Variants in ZNF556 observed in about 807,000 individuals in gnomAD.
ZNF556 encodes the protein zinc finger protein 556.
In ZNF556, 11 loss-of-function variants were observed where a neutral mutation model predicts 13.6. The observed-to-expected ratio is 0.81, with a 90% confidence interval of 0.51 to 1.33. The LOEUF is 1.33. Ranked by LOEUF, ZNF556 falls within the 40% of genes most tolerant of loss-of-function variation. The pLI, the probability that ZNF556 is intolerant of heterozygous loss-of-function variation, is 0.00. For synonymous variants in ZNF556, 229 were observed against 207.8 expected (o/e 1.10, Z -0.88); for missense variants, 633 against 566.2 (o/e 1.12, Z -1.20).
intron 1 of ZNF556, 103 bp from the exon 2 acceptor site, chr19:2,873,393 G>T: frequency 3.6e-6 from 5 of 1,375,426 alleles, no homozygotes; most frequent in Non-Finnish European, 5.1e-6. Context: ...ATAGATATTG[G>T]CAGACTGCAG....
chr19:2,867,457 G>A (rs1334171701), intron 1 of ZNF556, 33 bp downstream of exon 1: 1 of 1,576,636 alleles, frequency 6.3e-7, no homozygotes, highest in Non-Finnish European at 8.6e-7. Context: ...GCCGGAGCCG[G>A]AGCCCTGGGA....
intron 2 of ZNF556, chr19:2,874,898 T>G (rs1298881853): frequency 6.6e-6 from 1 of 151,384 alleles, no homozygotes; most frequent in East Asian, 1.9e-4. Context: ...TTGTCTACCA[T>G]TTTGACTGCT....
At position 2,877,499 on chromosome 19, in the gene ZNF556, G is replaced by A; in HGVS notation, c.541G>A (p.Gly181Arg). 6.2e-7 allele frequency: 1 copy of A among 1,614,206 alleles called. No homozygotes were observed. Among genetic ancestry groups the A allele is most frequent in the Non-Finnish European group, 8.5e-7 (1 of 1,180,048 alleles). Residue 181 changes from glycine to arginine, a missense_variant, in exon 4 of 4, where the codon GGG becomes AGG. Coordinates refer to ENST00000307635, the MANE Select transcript of ZNF556 (RefSeq NM_024967.3). ...AAAATTATATAAATGTAAGGAATGT[G>A]GGAAAGCCTTCAGTCGCCCTTCCTA... Reference protein sequence around the residue: ...GQKLYKCKECGKAFSRPSYLQ... With the variant: ...GQKLYKCKECRKAFSRPSYLQ...
intron 1 of ZNF556, among the ~76,000 whole-genome samples, chr19:2,871,792 A>G (rs529123467): frequency 2.4e-4 from 36 of 152,354 alleles, no homozygotes; most frequent in African/African-American, 8.7e-4. Flanking sequence ...GGGGACCACA[A>G]CCACCAAGTC....
Position 2,867,444 on chromosome 19 carries a change from C to A in ZNF556, c.3+20C>A, listed in dbSNP as rs1365443375. On this transcript the variant is annotated intron_variant, in intron 1 of 3. Transcript: ENST00000307635. The stretch of plus-strand genomic sequence containing the variant: ...GACATGGTGAGTGCAGGGCAGGAGC[C>A]GAGCCGGAGCCGGAGCCCTGGGAGG... 2 of 1,582,152 alleles carry A rather than the reference C, an allele frequency of 1.3e-6. No individual in the cohort carries two copies. The highest frequency in any genetic ancestry group is 1.7e-6 in the Non-Finnish European group (2 of 1,165,442).
At position 2,881,203 on chromosome 19, in the gene ZNF556, C is replaced by T. The variant is rs548968331; in HGVS notation, c.*2874C>T. ...GTTTATTCATAATGACAAAAACTTA[C>T]GTAACGGTTTTATAAATTTAAGTAT... is the stretch of plus-strand genomic sequence containing the variant. On this transcript the variant is annotated 3_prime_UTR_variant, in exon 4 of 4. Coordinates refer to ENST00000307635, the MANE Select transcript of ZNF556 (RefSeq NM_024967.3). 10 of 152,018 alleles carry T rather than the reference C, an allele frequency of 6.6e-5. No individual in the cohort carries two copies. Among genetic ancestry groups the T allele is most frequent in the South Asian group, 2.1e-4 (1 of 4,822 alleles). The allele number at this position is 152,018 out of a possible 1,614,324, so 9.4% of individuals were successfully genotyped here.
rs1371750371 is a variant in ZNF556, at chr19:2,878,185, G to A, written c.1227G>A (p.Gly409=). The A allele has an allele frequency of 6.2e-6, 10 of 1,614,182 alleles. No homozygotes were observed. Among genetic ancestry groups the A allele is most frequent in the East Asian group, 2.2e-5 (1 of 44,888 alleles). Residue 409 remains glycine (G), a synonymous_variant, in exon 4 of 4, where the codon GGG becomes GGA. Transcript: ENST00000307635. ...NAASVGKPSG[G]LCSSKNVRTQ... ...CCAGTGTGGGAAAACCTTCAGGCGG[G>A]CTTTGCTCTTCCAAAAATGTAAGAA...
Position 2,869,950 on chromosome 19 carries a change from C to G in ZNF556, c.3+2526C>G, listed in dbSNP as rs569123653. On this transcript the variant is annotated intron_variant, in intron 1 of 3. Transcript: ENST00000307635. ...CCCCTTGGCTGTCACTCCCCATTCCCCTCTGTCCAGTCACACAGGCTCTGG... is the reference window on the plus strand; with the variant it reads ...CCCCTTGGCTGTCACTCCCCATTCCGCTCTGTCCAGTCACACAGGCTCTGG... 6.6e-5 allele frequency among the ~76,000 whole-genome samples: 10 copies of G among 152,274 alleles called. No homozygotes were observed. In the South Asian group the frequency reaches 1.7e-3, roughly 25 times the overall value.
rs57053138 is a variant in ZNF556, at chr19:2,882,531, A to ATATATATATATATAGTGTGTGTGTGTGT, written c.*4202_*4203insTATATATATATATAGTGTGTGTGTGTGT. ...ATACATTTTATATATATATATATAT[A>ATATATATATATATAGTGTGTGTGTGTGT]GTGTGTGTGTGTGTGTGTGTGTGTG... On this transcript the variant is annotated 3_prime_UTR_variant, in exon 4 of 4. Coordinates refer to ENST00000307635, the MANE Select transcript of ZNF556 (RefSeq NM_024967.3). The ATATATATATATATAGTGTGTGTGTGTGT allele has an allele frequency of 7.8e-6, 1 of 127,716 alleles. No homozygotes were observed. Among genetic ancestry groups the ATATATATATATATAGTGTGTGTGTGTGT allele is most frequent in the Non-Finnish European group, 1.6e-5 (1 of 62,728 alleles). 7.9% of individuals were successfully genotyped at this position (127,716 alleles called of 1,614,324 possible).
At chr19:2,876,621 A>G (rs529487455) in intron 3 of ZNF556, among the ~76,000 whole-genome samples, 2 of 152,124 alleles carry the variant, frequency 1.3e-5, no homozygotes, top group East Asian at 3.9e-4. Flanking sequence ...AGGCTGAGAC[A>G]GGAGAATTGC....
chr19:2,868,781 C>T (rs775084872), intron 1 of ZNF556, among the ~76,000 whole-genome samples: 54 of 150,888 alleles, frequency 3.6e-4, no homozygotes, highest in Admixed American at 8.6e-4. Context: ...TGCAATGGCG[C>T]GATCTCTGCT....
chr19:2,876,807 T>C (rs2087856406), intron 3 of ZNF556, among the ~76,000 whole-genome samples: 2 of 152,230 alleles, frequency 1.3e-5, no homozygotes, highest in Non-Finnish European at 2.9e-5. Context: ...GTGGTTGAAC[T>C]ATCTACCAGA....
chr19:2,882,671 C>A lies in ZNF556; in HGVS notation c.*4342C>A, dbSNP rs571028028. 1 of 152,042 alleles carries A rather than the reference C, an allele frequency of 6.6e-6. No homozygotes were observed. Among genetic ancestry groups the A allele is most frequent in the Non-Finnish European group, 1.5e-5 (1 of 68,224 alleles). The allele number at this position is 152,042 out of a possible 1,614,324, so 9.4% of individuals were successfully genotyped here. ...CCAGGTTCAAGCGATTCTCCTGCCT[C>A]ACCCTCCCAAGTGGCTGGGAATACA... On this transcript the variant is annotated 3_prime_UTR_variant, in exon 4 of 4. Coordinates refer to ENST00000307635, the MANE Select transcript of ZNF556 (RefSeq NM_024967.3).
In ZNF556 at chr19:2,877,567, T is replaced by C. The variant is rs187947956; in HGVS notation, c.609T>C (p.Tyr203=). The C allele has an allele frequency of 2.4e-5, 39 of 1,614,184 alleles. No homozygotes were observed. In the Admixed American group the frequency reaches 4.7e-4, roughly 19 times the overall value. ...HEKTHSGEKP[Y]ACQSCGKTFL... ...AAACTCACAGTGGAGAGAAACCCTATGCCTGTCAATCTTGCGGGAAGACAT... is the reference window on the plus strand; with the variant it reads ...AAACTCACAGTGGAGAGAAACCCTACGCCTGTCAATCTTGCGGGAAGACAT... Residue 203 remains tyrosine, a synonymous_variant, in exon 4 of 4, where the codon TAT becomes TAC. Coordinates refer to ENST00000307635, the MANE Select transcript of ZNF556 (RefSeq NM_024967.3).
rs1472571741 is a variant in ZNF556 at position 2,882,529 on chromosome 19, A to AGTGTGTGTGTGTGTGTG, written c.*4200_*4201insGTGTGTGTGTGTGTGTG. ...GTATACATTTTATATATATATATAT[A>AGTGTGTGTGTGTGTGTG]TAGTGTGTGTGTGTGTGTGTGTGTG... On this transcript the variant is annotated 3_prime_UTR_variant, in exon 4 of 4. Coordinates refer to ENST00000307635, the MANE Select transcript of ZNF556 (RefSeq NM_024967.3). The AGTGTGTGTGTGTGTGTG allele has an allele frequency of 5.5e-5, 5 of 91,080 alleles. No homozygotes were observed. Among genetic ancestry groups the AGTGTGTGTGTGTGTGTG allele is most frequent in the African/African-American group, 2.1e-4 (5 of 24,082 alleles). The allele number at this position is 91,080 out of a possible 1,614,324, so 5.6% of individuals were successfully genotyped here. A position where few individuals can be genotyped will look rare whatever the true frequency, so the allele number is the denominator to read the frequency against.
At chr19:2,868,792 T>C (rs1405855166) in intron 1 of ZNF556, among the ~76,000 whole-genome samples, 17 of 147,830 alleles carry the variant, frequency 1.1e-4, no homozygotes, top group East Asian at 4.0e-4. Context: ...GATCTCTGCT[T>C]ACTGCAACCT....
Position 2,877,920 on chromosome 19 carries a change from G to C in ZNF556, c.962G>C (p.Gly321Ala). ...GEKPYKCGKC[G>A]KAFGWPSSLH... is the part of the protein sequence containing the mutation. ...AAACCCTATAAGTGTGGAAAATGCG[G>C]GAAAGCATTCGGTTGGCCCTCATCC... The change falls in exon 4 of 4, where the codon GGG becomes GCG. Residue 321 changes from glycine to alanine, a missense_variant. Transcript: ENST00000307635. 2 of 1,614,212 alleles carry C rather than the reference G, an allele frequency of 1.2e-6. No individual in the cohort carries two copies. The highest frequency in any genetic ancestry group is 1.7e-6 in the Non-Finnish European group (2 of 1,180,044).
At position 2,878,946 on chromosome 19, in the gene ZNF556, T is replaced by C. The variant is rs2087884309; in HGVS notation, c.*617T>C. 1 of 152,212 alleles carries C rather than the reference T, an allele frequency of 6.6e-6. No individual in the cohort carries two copies. The highest frequency in any genetic ancestry group is 1.5e-5 in the Non-Finnish European group (1 of 68,044). 9.4% of individuals were successfully genotyped at this position (152,212 alleles called of 1,614,324 possible). A position where few individuals can be genotyped will look rare whatever the true frequency, so the allele number is the denominator to read the frequency against. On this transcript the variant is annotated 3_prime_UTR_variant, in exon 4 of 4. Transcript: ENST00000307635. Reference sequence around the variant, plus strand: ...ATGGGTGATCTGATGTATTTTAATATGCATTAACTTTAATTTTTATATATT... The same window carrying C: ...ATGGGTGATCTGATGTATTTTAATACGCATTAACTTTAATTTTTATATATT...
chr19:2,875,351 G>A (rs1340553177), intron 2 of ZNF556, among the ~76,000 whole-genome samples: 1 of 151,714 alleles, frequency 6.6e-6, no homozygotes, highest in Non-Finnish European at 1.5e-5. Flanking sequence ...CCGCCACCAC[G>A]CCCGGCTAAT....
Sources: gnomAD v4.1 joint callset for allele counts (sites outside exome capture counted in the v4.1 genomes callset) on GRCh38, gnomAD v4.1.1 for gene constraint, MANE v1.5 for transcripts, NCBI Gene and HGNC (gene_info 2026-07-23, HGNC 2026-07-21) for gene names.